Variants in EXOC6B observed in about 807,000 individuals in gnomAD.
The protein encoded by EXOC6B is SEC15 homolog B.
A neutral mutation model predicts 113.5 loss-of-function variants in EXOC6B; 54 were observed. That is an observed-to-expected ratio of 0.48 (90% CI 0.38 to 0.60). The LOEUF is 0.60. Ranked by LOEUF, EXOC6B falls within the 20% of genes least tolerant of loss-of-function variation. The pLI, the probability that EXOC6B is intolerant of heterozygous loss-of-function variation, is 0.00. For synonymous variants in EXOC6B, 357 were observed against 339.0 expected, an observed-to-expected ratio of 1.05 and a Z score of -0.58; for missense variants, 797 against 977.5, an observed-to-expected ratio of 0.82 and a Z score of 2.46.
chr2:72,465,309 A>C lies in EXOC6B; in HGVS notation c.1831T>G (p.Tyr611Asp). ...TCAATCTTCTGGTTTAAGTTGGTAT[A>C]AATCTCTTCTTCAGCTGCATGTCTA... ...DARHAAEEEIYTNLNQKIDQF... is the reference protein window; with the variant it reads ...DARHAAEEEIDTNLNQKIDQF... The change falls in exon 18 of 22, where the codon TAT becomes GAT. Residue 611 changes from tyrosine to aspartate, a missense_variant. Physicochemically the swap from Tyr to Asp is radical, Grantham distance 160 (BLOSUM62 -3). Transcript: ENST00000272427. The C allele has an allele frequency of 6.2e-7, 1 of 1,603,684 alleles. No individual in the cohort carries two copies. The highest frequency in any genetic ancestry group is 8.5e-7 in the Non-Finnish European group (1 of 1,174,764).
At chr2:72,783,460 G>A (rs560381122) in intron 1 of EXOC6B, among the ~76,000 whole-genome samples, 15 of 151,594 alleles carry the variant, frequency 9.9e-5, no homozygotes, top group African/African-American at 3.4e-4. Flanking sequence ...GAGTAGCTGG[G>A]ATTACAGGCT....
At chr2:72,505,824 T>C (rs1177212282) in intron 11 of EXOC6B, among the ~76,000 whole-genome samples, 1 of 152,158 alleles carries the variant, frequency 6.6e-6, no homozygotes, top group African/African-American at 2.4e-5. Context: ...GTTTCTAATT[T>C]ACTAAGAAAT....
intron 6 of EXOC6B, among the ~76,000 whole-genome samples, chr2:72,601,101 C>CAT (rs199881722): frequency 2.8e-4 from 40 of 141,120 alleles, no homozygotes; most frequent in Non-Finnish European, 3.7e-4. Context: ...TGTATGGCTA[C>CAT]ATATATATAT....
At chr2:72,664,791 A>G (rs917762906) in intron 6 of EXOC6B, among the ~76,000 whole-genome samples, 4 of 152,182 alleles carry the variant, frequency 2.6e-5, no homozygotes, top group African/African-American at 9.6e-5. Flanking sequence ...TGCACAGCGT[A>G]GCCTCTATTG....
chr2:72,180,387 A>T (rs985886455), intron 21 of EXOC6B, among the ~76,000 whole-genome samples: 2 of 152,214 alleles, frequency 1.3e-5, no homozygotes, highest in Non-Finnish European at 2.9e-5. Flanking sequence ...GAATTCAGGA[A>T]TCTGCTATTC....
At chr2:72,656,566 T>C (rs1324923972) in intron 6 of EXOC6B, among the ~76,000 whole-genome samples, 1 of 152,184 alleles carries the variant, frequency 6.6e-6, no homozygotes, top group Non-Finnish European at 1.5e-5. Flanking sequence ...TGTTTCCTTT[T>C]TATTTTAGAA....
chr2:72,696,082 C>A (rs1437407497), intron 6 of EXOC6B, among the ~76,000 whole-genome samples: 1 of 152,124 alleles, frequency 6.6e-6, no homozygotes, highest in Admixed American at 6.6e-5. Context: ...AACAATGATA[C>A]CCTTCCTTAC....
intron 19 of EXOC6B, among the ~76,000 whole-genome samples, chr2:72,362,034 T>A (rs1368092413): frequency 6.6e-6 from 1 of 152,144 alleles, no homozygotes; most frequent in African/African-American, 2.4e-5. Context: ...AATCTCTACA[T>A]TGGTTTCCTT....
chr2:72,556,977 G>A (rs919812733), intron 8 of EXOC6B, among the ~76,000 whole-genome samples: 9 of 150,328 alleles, frequency 6.0e-5, no homozygotes, highest in East Asian at 2.0e-4. Flanking sequence ...CAAGAAACCC[G>A]ATTAAAAAAA....
intron 20 of EXOC6B, among the ~76,000 whole-genome samples, chr2:72,311,315 T>C (rs1240535642): frequency 1.3e-5 from 2 of 152,160 alleles, no homozygotes; most frequent in Non-Finnish European, 2.9e-5. Context: ...GTTGGCAGAA[T>C]TCAGTTCCTT....
intron 6 of EXOC6B, among the ~76,000 whole-genome samples, chr2:72,638,488 C>T (rs139050788): frequency 3.3e-5 from 5 of 151,944 alleles, no homozygotes; most frequent in Non-Finnish European, 7.4e-5. Context: ...CGAGAGTGAA[C>T]AGAGGGAAAG....
At chr2:72,658,352 C>T (rs917026560) in intron 6 of EXOC6B, among the ~76,000 whole-genome samples, 1 of 135,476 alleles carries the variant, frequency 7.4e-6, no homozygotes, top group African/African-American at 2.7e-5. Context: ...AAAAAAAGCT[C>T]AATAATTTAC....
At chr2:72,342,795 C>A (rs942344804) in intron 19 of EXOC6B, among the ~76,000 whole-genome samples, 1 of 151,896 alleles carries the variant, frequency 6.6e-6, no homozygotes, top group African/African-American at 2.4e-5. Flanking sequence ...ACAACAAAAA[C>A]CCAAAAACAG....
intron 5 of EXOC6B, among the ~76,000 whole-genome samples, chr2:72,719,295 T>A (rs1679843271): frequency 6.6e-6 from 1 of 152,182 alleles, no homozygotes; most frequent in South Asian, 2.1e-4. Context: ...AATAAATAAA[T>A]TAAGAAAAGT....
At chr2:72,459,711 C>T (rs891747629) in intron 18 of EXOC6B, among the ~76,000 whole-genome samples, 1 of 152,060 alleles carries the variant, frequency 6.6e-6, no homozygotes, top group Non-Finnish European at 1.5e-5. Flanking sequence ...AAAGAGGATA[C>T]AAACAAATGG....
intron 20 of EXOC6B, among the ~76,000 whole-genome samples, chr2:72,315,548 T>TAA (rs1687468671): frequency 1.3e-5 from 2 of 152,146 alleles, no homozygotes; most frequent in Non-Finnish European, 2.9e-5. Flanking sequence ...GGAGACCAGT[T>TAA]AAAAAGCTAT....
At chr2:72,568,182 G>C (rs1289120873) in intron 7 of EXOC6B, among the ~76,000 whole-genome samples, 1 of 151,838 alleles carries the variant, frequency 6.6e-6, no homozygotes, top group Non-Finnish European at 1.5e-5. Flanking sequence ...CTAGTCATGA[G>C]GATACAACGA....
chr2:72,582,539 A>ATT (rs34910450), intron 6 of EXOC6B, among the ~76,000 whole-genome samples: 259 of 148,476 alleles, frequency 1.7e-3, no homozygotes, highest in Middle Eastern at 7.0e-3. Context: ...GAAGTACAGA[A>ATT]TTTTTTTTTT....
At chr2:72,598,825 CA>C (rs756522291) in intron 6 of EXOC6B, among the ~76,000 whole-genome samples, 3 of 152,026 alleles carry the variant, frequency 2.0e-5, no homozygotes, top group Non-Finnish European at 4.4e-5. Context: ...CCTTGAAAGA[CA>C]ATCTACCAAA....
Sources: gnomAD v4.1 joint callset for allele counts (sites outside exome capture counted in the v4.1 genomes callset) on GRCh38, gnomAD v4.1.1 for gene constraint, MANE v1.5 for transcripts, NCBI Gene and HGNC (gene_info 2026-07-23, HGNC 2026-07-21) for gene names.